Variants in SLC18A2 observed in about 807,000 individuals in gnomAD.
The protein encoded by SLC18A2 is synaptic vesicular amine transporter.
SLC18A2 carries 33 observed loss-of-function variants against 59.2 expected under a neutral mutation model. The observed-to-expected ratio is 0.56, with a 90% confidence interval of 0.42 to 0.75. The LOEUF is 0.75. Among genes scored for constraint, SLC18A2 ranks in the 30% least tolerant of loss-of-function variants. The pLI is 0.00. For synonymous variants in SLC18A2, 228 were observed against 253.5 expected, an observed-to-expected ratio of 0.90 and a Z score of 0.95; for missense variants, 569 against 668.6, an observed-to-expected ratio of 0.85 and a Z score of 1.64.
intron 4 of SLC18A2, 33 bp downstream of exon 4, chr10:117,253,490 G>T: frequency 6.5e-7 from 1 of 1,540,016 alleles, no homozygotes; most frequent in Non-Finnish European, 8.9e-7. Flanking sequence ...CTGAGTGTGG[G>T]TCTCATCAGG....
chr10:117,266,842 G>A (rs555659932), intron 11 of SLC18A2, 31 bp downstream of exon 11: 6 of 1,587,196 alleles, frequency 3.8e-6, no homozygotes, highest in Non-Finnish European at 5.2e-6. Context: ...CACTCATTCT[G>A]TTACAATAAT....
At chr10:117,263,191 C>A (rs1358313135) in intron 10 of SLC18A2, among the ~76,000 whole-genome samples, 1 of 152,170 alleles carries the variant, frequency 6.6e-6, no homozygotes, top group Admixed American at 6.5e-5. Context: ...GGGAAATACC[C>A]CACCTTCCCT....
chr10:117,267,596 A>AC, intron 12 of SLC18A2, 77 bp from the exon 13 acceptor site: 3 of 1,139,242 alleles, frequency 2.6e-6, no homozygotes, highest in Non-Finnish European at 3.8e-6. Context: ...CAGAGAAAAC[A>AC]CAAGTTCAAG....
intron 15 of SLC18A2, among the ~76,000 whole-genome samples, chr10:117,271,089 T>G (rs1844420481): frequency 6.6e-6 from 1 of 152,218 alleles, no homozygotes; most frequent in Non-Finnish European, 1.5e-5. Context: ...AATTTTGAAA[T>G]GCATGAGTCA....
chr10:117,243,831 C>T (rs1844079948), intron 2 of SLC18A2, 140 bp from the exon 3 acceptor site: 3 of 652,216 alleles, frequency 4.6e-6, no homozygotes, highest in Non-Finnish European at 7.8e-6. Flanking sequence ...GGTGATCCAC[C>T]TGCCTCAGCT....
intron 5 of SLC18A2, 61 bp downstream of exon 5, chr10:117,254,192 T>C: frequency 6.7e-7 from 1 of 1,495,020 alleles, no homozygotes; most frequent in Non-Finnish European, 9.3e-7. Flanking sequence ...GCTGGACTCA[T>C]TCAGGGAATT....
At chr10:117,241,835 C>G in intron 2 of SLC18A2, 21 bp downstream of exon 2, 1 of 1,595,432 alleles carries the variant, frequency 6.3e-7, no homozygotes, top group Non-Finnish European at 8.5e-7. Context: ...ACAGGGCACC[C>G]CTGCCCCGGC....
chr10:117,276,246 A>G (rs2133749468), intron 15 of SLC18A2, among the ~76,000 whole-genome samples: 1 of 152,212 alleles, frequency 6.6e-6, no homozygotes. Flanking sequence ...CTGAGATCGC[A>G]CCACTGCACT....
At chr10:117,255,215 GT>G in intron 6 of SLC18A2, 61 bp from the exon 7 acceptor site, 1 of 1,436,348 alleles carries the variant, frequency 7.0e-7, no homozygotes, top group Non-Finnish European at 9.8e-7. Flanking sequence ...CAAATAGATG[GT>G]TCTAGTACAG....
chr10:117,265,053 G>A (rs1009392004), intron 10 of SLC18A2, among the ~76,000 whole-genome samples: 3 of 152,216 alleles, frequency 2.0e-5, no homozygotes, highest in Admixed American at 2.0e-4. Context: ...CTGGGCACGT[G>A]GCTGTCAGTA....
chr10:117,262,321 T>C (rs1042415968), intron 10 of SLC18A2, among the ~76,000 whole-genome samples: 15 of 152,222 alleles, frequency 9.9e-5, no homozygotes, highest in Admixed American at 9.8e-4. Context: ...AACAAGAATG[T>C]TTCTTAGGCA....
rs1411848358 is a variant in SLC18A2, at chr10:117,278,528, ATTTTG to A, written c.*1265_*1269del. 12 of 152,274 alleles carry A rather than the reference ATTTTG, an allele frequency of 7.9e-5. No homozygotes were observed. Among genetic ancestry groups the A allele is most frequent in the African/African-American group, 2.9e-4 (12 of 41,558 alleles). The allele number at this position is 152,274 out of a possible 1,614,324, so 9.4% of individuals were successfully genotyped here. A position where few individuals can be genotyped will look rare whatever the true frequency, so the allele number is the denominator to read the frequency against. The stretch of plus-strand genomic sequence containing the variant: ...TTAGTGAACATTGTCAATTTATGTC[ATTTTG>A]TTAAGAGATATGACTGGAGTGTGCA... On this transcript the variant is annotated 3_prime_UTR_variant, in exon 16 of 16. Coordinates refer to ENST00000644641, the MANE Select transcript of SLC18A2 (RefSeq NM_003054.6).
intron 6 of SLC18A2, 152 bp from the exon 7 acceptor site, chr10:117,255,125 C>T (rs757221350): frequency 1.0e-5 from 7 of 698,566 alleles, no homozygotes; most frequent in Non-Finnish European, 1.7e-5. Context: ...GCCAAGACAA[C>T]TGAACTCTAA....
intron 10 of SLC18A2, among the ~76,000 whole-genome samples, chr10:117,258,146 C>G (rs547431023): frequency 6.6e-6 from 1 of 152,322 alleles, no homozygotes; most frequent in East Asian, 1.9e-4. Context: ...ATACAGTCAG[C>G]ATCTTCCCCT....
At chr10:117,266,894 G>T in intron 11 of SLC18A2, 83 bp downstream of exon 11, 1 of 1,550,452 alleles carries the variant, frequency 6.4e-7, no homozygotes, top group South Asian at 1.1e-5. Context: ...TGCCTTTGCT[G>T]TTACAAGTAA....
chr10:117,242,050 A>T, intron 2 of SLC18A2: 1 of 401,124 alleles, frequency 2.5e-6, no homozygotes, highest in African/African-American at 2.1e-5. Flanking sequence ...GATAAGACCC[A>T]GAACTTATGT....
intron 12 of SLC18A2, chr10:117,267,443 A>G (rs978415840): frequency 1.3e-5 from 6 of 456,804 alleles, no homozygotes; most frequent in Middle Eastern, 6.0e-4. Flanking sequence ...CTGATCTTTC[A>G]CATATGCCGG....
chr10:117,245,057 G>A (rs1483432498), intron 3 of SLC18A2, among the ~76,000 whole-genome samples: 1 of 152,232 alleles, frequency 6.6e-6, no homozygotes, highest in African/African-American at 2.4e-5. Context: ...TTCTGTAGCT[G>A]AGGTGGACCA....
chr10:117,270,180 G>A lies in SLC18A2; in HGVS notation c.1296G>A (p.Gly432=), dbSNP rs746322468. The change falls in exon 14 of 16, where the codon GGG becomes GGA. Residue 432 remains glycine (G), a synonymous_variant. Coordinates refer to ENST00000644641, the MANE Select transcript of SLC18A2 (RefSeq NM_003054.6). ...TTGCGGATGTGGCATTTTGTATGGGGTATGCTATAGGTAAGGACATTGGCT... is the reference window on the plus strand; with the variant it reads ...TTGCGGATGTGGCATTTTGTATGGGATATGCTATAGGTAAGGACATTGGCT... ...YAIADVAFCM[G]YAIGPSAGGA... is the part of the protein sequence containing the mutation. 18 of 1,614,212 alleles carry A rather than the reference G, an allele frequency of 1.1e-5. No homozygotes were observed. The Admixed American group carries it at 2.8e-4, about 25-fold the overall frequency.
Sources: allele counts gnomAD v4.1 joint callset (sites outside exome capture counted in the v4.1 genomes callset), GRCh38; gene constraint gnomAD v4.1.1; transcripts MANE v1.5; gene names NCBI Gene and HGNC (gene_info 2026-07-23, HGNC 2026-07-21).